The following TNFSF4 variants were observed in gnomAD, a reference collection of about 807,000 sequenced individuals.
TNFSF4 encodes tumor necrosis factor ligand superfamily member 4.
In TNFSF4, 4 loss-of-function variants were observed where a neutral mutation model predicts 7.3. The observed-to-expected ratio is 0.55, with a 90% CI of 0.27 to 1.25. The LOEUF (loss-of-function observed/expected upper bound fraction) is 1.25. Ranked by LOEUF, TNFSF4 falls within the 50% of genes most tolerant of loss-of-function variation. The pLI, the probability that TNFSF4 is intolerant of heterozygous loss-of-function variation, is 0.12. For missense variants in TNFSF4, 181 were observed against 208.8 expected (o/e 0.87, Z 0.82); for synonymous variants, 76 against 83.7 (o/e 0.91, Z 0.50).
At chr1:173,418,754 T>C in the TNFSF4 span, 1 of 152,192 alleles carries the variant, frequency 6.6e-6, no homozygotes, top group African/African-American at 2.4e-5. Context: ...ACCAGGACCC[T>C]ACACTGACTC....
the TNFSF4 span, among the ~76,000 whole-genome samples, chr1:173,319,192 T>C: frequency 2.0e-5 from 3 of 152,062 alleles, no homozygotes; most frequent in Non-Finnish European, 2.9e-5. Flanking sequence ...TTTTAGTAGG[T>C]GGTTTTCCCC....
chr1:173,281,953 G>T, the TNFSF4 span, among the ~76,000 whole-genome samples: 1 of 152,090 alleles, frequency 6.6e-6, no homozygotes. Flanking sequence ...GTCTTTTCAT[G>T]CACAACCTCC....
the TNFSF4 span, among the ~76,000 whole-genome samples, chr1:173,412,577 G>T: frequency 6.6e-6 from 1 of 152,156 alleles, no homozygotes; most frequent in Non-Finnish European, 1.5e-5. Context: ...AAATATATTT[G>T]CAATATATGT....
At chr1:173,232,196 T>C in the TNFSF4 span, among the ~76,000 whole-genome samples, 8 of 152,044 alleles carry the variant, frequency 5.3e-5, no homozygotes, top group Non-Finnish European at 7.4e-5. Context: ...CCCTTGTAAG[T>C]TGGATTCCTA....
chr1:173,173,747 G>GTC, the TNFSF4 span, among the ~76,000 whole-genome samples: 1 of 152,246 alleles, frequency 6.6e-6, no homozygotes, highest in African/African-American at 2.4e-5. Flanking sequence ...AGTTGAAGCA[G>GTC]CTGGGACACA....
the TNFSF4 span, among the ~76,000 whole-genome samples, chr1:173,417,373 A>G: frequency 6.6e-6 from 1 of 152,252 alleles, no homozygotes; most frequent in Non-Finnish European, 1.5e-5. Flanking sequence ...GGTGCAAAAA[A>G]AGTCTTCAAT....
At chr1:173,220,615 G>A in the TNFSF4 span, among the ~76,000 whole-genome samples, 1 of 152,196 alleles carries the variant, frequency 6.6e-6, no homozygotes, top group East Asian at 1.9e-4. Flanking sequence ...CATGAGGGTG[G>A]GGGTGCCATG....
At chr1:173,369,537 T>C in the TNFSF4 span, among the ~76,000 whole-genome samples, 1 of 152,068 alleles carries the variant, frequency 6.6e-6, no homozygotes, top group Non-Finnish European at 1.5e-5. Flanking sequence ...TGCAGGTTCT[T>C]GGGTGGGAGG....
intron 1 of TNFSF4, among the ~76,000 whole-genome samples, chr1:173,206,266 G>A (rs1331798002): frequency 6.6e-6 from 1 of 152,074 alleles, no homozygotes; most frequent in Non-Finnish European, 1.5e-5. Context: ...AATAATGTTT[G>A]TATATCTGAA....
the TNFSF4 span, among the ~76,000 whole-genome samples, chr1:173,324,054 T>G: frequency 6.6e-6 from 1 of 152,066 alleles, no homozygotes; most frequent in African/African-American, 2.4e-5. Flanking sequence ...CCAAGACACA[T>G]AATTGTCGGA....
At chr1:173,364,855 C>G in the TNFSF4 span, among the ~76,000 whole-genome samples, 1 of 151,914 alleles carries the variant, frequency 6.6e-6, no homozygotes, top group South Asian at 2.1e-4. Context: ...TTTAATTACA[C>G]AATTTTAAGA....
At chr1:173,235,740 T>C in the TNFSF4 span, among the ~76,000 whole-genome samples, 2 of 152,318 alleles carry the variant, frequency 1.3e-5, no homozygotes, top group Middle Eastern at 3.4e-3. Context: ...GTAAAACTTA[T>C]TTTTATTTTA....
chr1:173,429,127 C>T, the TNFSF4 span, among the ~76,000 whole-genome samples: 2 of 151,876 alleles, frequency 1.3e-5, no homozygotes, highest in Admixed American at 1.3e-4. Context: ...TAAAGCTGGA[C>T]AAAAAGTACA....
intron 1 of TNFSF4, among the ~76,000 whole-genome samples, chr1:173,194,880 CAAA>C (rs11406483): frequency 1.6e-4 from 12 of 74,328 alleles, no homozygotes; most frequent in African/African-American, 3.0e-4. Context: ...GAACTTGTCT[CAAA>C]AAAAAAAAAA....
downstream of TNFSF4, among the ~76,000 whole-genome samples, chr1:173,180,122 A>G (rs1649025958): frequency 6.6e-6 from 1 of 152,236 alleles, no homozygotes; most frequent in Non-Finnish European, 1.5e-5. Flanking sequence ...TCTCAAAATA[A>G]CAATACTTTT....
At chr1:173,368,953 C>G in the TNFSF4 span, among the ~76,000 whole-genome samples, 1 of 152,146 alleles carries the variant, frequency 6.6e-6, no homozygotes, top group African/African-American at 2.4e-5. Context: ...CTGTTCCCTT[C>G]TTTAGGCACC....
chr1:173,268,908 A>G, the TNFSF4 span, among the ~76,000 whole-genome samples: 1 of 152,148 alleles, frequency 6.6e-6, no homozygotes, highest in Admixed American at 6.6e-5. Context: ...GATATTATGC[A>G]CCTACCATAT....
the TNFSF4 span, among the ~76,000 whole-genome samples, chr1:173,281,061 G>A: frequency 1.2e-4 from 18 of 151,950 alleles, no homozygotes; most frequent in Non-Finnish European, 2.5e-4. Context: ...AAAAAAATGG[G>A]GAAATATTTT....
the TNFSF4 span, among the ~76,000 whole-genome samples, chr1:173,338,056 A>G: frequency 2.0e-4 from 31 of 152,174 alleles, no homozygotes; most frequent in African/African-American, 4.8e-5. Flanking sequence ...GCATGGACTC[A>G]ACAACATGAA....
Sources: allele counts gnomAD v4.1 joint callset (sites outside exome capture counted in the v4.1 genomes callset), GRCh38; gene constraint gnomAD v4.1.1; transcripts MANE v1.5; gene names NCBI Gene and HGNC (gene_info 2026-07-23, HGNC 2026-07-21).